The following LCLAT1 variants were observed in gnomAD, a reference collection of about 807,000 sequenced individuals.
LCLAT1 encodes the protein lysocardiolipin acyltransferase 1.
In LCLAT1, 11 loss-of-function variants were observed where a neutral mutation model predicts 30.7. The observed-to-expected ratio is 0.36, with a 90% CI of 0.23 to 0.59. The LOEUF (loss-of-function observed/expected upper bound fraction) is 0.59, where lower values mean the gene tolerates loss of function less well. Among genes scored for constraint, LCLAT1 ranks in the 20% least tolerant of loss-of-function variants. The pLI is 0.77. For missense variants in LCLAT1, 402 were observed against 458.6 expected (o/e 0.88, Z 1.13); for synonymous variants, 155 against 151.3 (o/e 1.02, Z -0.18).
rs530383495 is a variant in LCLAT1, at chr2:30,554,104, G to C, written c.365-8042G>C. Among the ~76,000 whole-genome samples, 9 of 152,266 alleles carry C rather than the reference G, an allele frequency of 5.9e-5. No individual in the cohort carries two copies. The South Asian group carries it at 1.0e-3, about 18-fold the overall frequency. ...GAAGTAAAAAAGATTTAGAAACATT[G>C]GCTTGGAGTTTCTAGAAGATATGTA... On this transcript the variant is annotated intron_variant, in intron 3 of 5. Transcript: ENST00000379509.
chr2:30,508,313 C>T (rs186804612), intron 1 of LCLAT1, among the ~76,000 whole-genome samples: 6 of 152,166 alleles, frequency 3.9e-5, no homozygotes, highest in Admixed American at 1.3e-4. Flanking sequence ...TTCTTGCTTT[C>T]GTTGCAGTTA....
At chr2:30,468,586 C>T (rs565461255) in intron 1 of LCLAT1, among the ~76,000 whole-genome samples, 1 of 152,116 alleles carries the variant, frequency 6.6e-6, no homozygotes, top group Non-Finnish European at 1.5e-5. Flanking sequence ...GTGGACAAAT[C>T]AGTGGCATTG....
At chr2:30,488,310 CAT>C (rs1683658777) in intron 1 of LCLAT1, among the ~76,000 whole-genome samples, 1 of 152,170 alleles carries the variant, frequency 6.6e-6, no homozygotes, top group South Asian at 2.1e-4. Context: ...AAAATTTGGT[CAT>C]GTGTGTGCAA....
At chr2:30,636,644 C>T (rs1669039636) in intron 5 of LCLAT1, among the ~76,000 whole-genome samples, 1 of 152,080 alleles carries the variant, frequency 6.6e-6, no homozygotes, top group African/African-American at 2.4e-5. Context: ...TCAAAACTTG[C>T]CATTTCTGTA....
At chr2:30,482,628 A>T (rs1345826685) in intron 1 of LCLAT1, among the ~76,000 whole-genome samples, 1 of 152,126 alleles carries the variant, frequency 6.6e-6, no homozygotes, top group Admixed American at 6.5e-5. Context: ...TTACTGGAAG[A>T]TAAAGCATTG....
At chr2:30,513,995 T>C (rs1476525470) in intron 1 of LCLAT1, among the ~76,000 whole-genome samples, 1 of 152,206 alleles carries the variant, frequency 6.6e-6, no homozygotes, top group Non-Finnish European at 1.5e-5. Flanking sequence ...TTCTCAACCT[T>C]GGTAAAATAA....
intron 3 of LCLAT1, among the ~76,000 whole-genome samples, chr2:30,556,186 A>G (rs757700388): frequency 2.6e-5 from 4 of 152,226 alleles, no homozygotes; most frequent in Non-Finnish European, 4.4e-5. Context: ...CATGGTAACA[A>G]TGAAGCAGCC....
rs369688634 is a variant in LCLAT1, at chr2:30,509,188, A to G, written c.-4-16399A>G. 3.9e-5 allele frequency among the ~76,000 whole-genome samples: 6 copies of G among 152,256 alleles called. No individual in the cohort carries two copies. In the South Asian group the frequency reaches 1.2e-3, roughly 32 times the overall value. Reference sequence around the variant, plus strand: ...TTTGGGCCAAGACTTTGGGTTTTCTAGATATAGGTTCATGTCATCTGCAAA... The same window carrying G: ...TTTGGGCCAAGACTTTGGGTTTTCTGGATATAGGTTCATGTCATCTGCAAA... On this transcript the variant is annotated intron_variant, in intron 1 of 5. Coordinates refer to ENST00000379509, the MANE Select transcript of LCLAT1 (RefSeq NM_001002257.3).
At chr2:30,625,356 A>G (rs1172303915) in intron 5 of LCLAT1, among the ~76,000 whole-genome samples, 1 of 152,172 alleles carries the variant, frequency 6.6e-6, no homozygotes, top group Non-Finnish European at 1.5e-5. Context: ...CCAAAAAATG[A>G]AGAGAGAAGA....
rs1192709904 is a variant in LCLAT1 at position 30,493,508 on chromosome 2, A to G, written c.-4-32079A>G. ...TATTGTTATACCAAGCATGTTCTAG[A>G]TCATGCTGTTAAAGAAGTGCAGTTA... On this transcript the variant is annotated intron_variant, in intron 1 of 5. Transcript: ENST00000379509. Among the ~76,000 whole-genome samples, 3 of 152,332 alleles carry G rather than the reference A, an allele frequency of 2.0e-5. No individual in the cohort carries two copies. The East Asian group carries it at 5.8e-4, about 29-fold the overall frequency.
chr2:30,630,278 T>C (rs1312575925), intron 5 of LCLAT1, among the ~76,000 whole-genome samples: 1 of 152,204 alleles, frequency 6.6e-6, no homozygotes, highest in Non-Finnish European at 1.5e-5. Context: ...TTTAAAGGCT[T>C]ATCTCCAAGT....
intron 1 of LCLAT1, among the ~76,000 whole-genome samples, chr2:30,499,209 C>T (rs190691796): frequency 3.0e-4 from 46 of 152,226 alleles, no homozygotes; most frequent in African/African-American, 3.4e-4. Context: ...GACGGAGTTT[C>T]GCTCTTATCG....
chr2:30,504,698 C>A (rs1684571401), intron 1 of LCLAT1, among the ~76,000 whole-genome samples: 1 of 152,096 alleles, frequency 6.6e-6, no homozygotes, highest in Non-Finnish European at 1.5e-5. Context: ...TTTCCTCTCC[C>A]CTTCCTTTTC....
chr2:30,482,278 T>C (rs1157821306), intron 1 of LCLAT1, among the ~76,000 whole-genome samples: 2 of 152,184 alleles, frequency 1.3e-5, no homozygotes, highest in Non-Finnish European at 2.9e-5. Flanking sequence ...AGAATTTTAA[T>C]CAGTGTAGGT....
chr2:30,575,859 A>G (rs1369137729), intron 5 of LCLAT1, among the ~76,000 whole-genome samples: 5 of 152,124 alleles, frequency 3.3e-5, no homozygotes, highest in African/African-American at 1.2e-4. Flanking sequence ...GTCTCTCTGT[A>G]CCACTTGACT....
chr2:30,460,423 T>G (rs188717792), intron 1 of LCLAT1, among the ~76,000 whole-genome samples: 1 of 152,330 alleles, frequency 6.6e-6, no homozygotes, highest in Non-Finnish European at 1.5e-5. Context: ...CCCCTCAGCC[T>G]TTTTCTATTG....
At chr2:30,516,342 G>A (rs540801804) in intron 1 of LCLAT1, among the ~76,000 whole-genome samples, 13 of 152,262 alleles carry the variant, frequency 8.5e-5, no homozygotes, top group Admixed American at 4.6e-4. Flanking sequence ...ACTGCTGAAC[G>A]TCGCCGTCGC....
chr2:30,507,127 T>C (rs1684703785), intron 1 of LCLAT1, among the ~76,000 whole-genome samples: 1 of 152,184 alleles, frequency 6.6e-6, no homozygotes, highest in Non-Finnish European at 1.5e-5. Context: ...GTGTTCACTT[T>C]AATTTTATGT....
chr2:30,637,723 G>A (rs913848923), intron 5 of LCLAT1, among the ~76,000 whole-genome samples: 9 of 152,086 alleles, frequency 5.9e-5, no homozygotes, highest in Admixed American at 1.3e-4. Flanking sequence ...GATTACAAGC[G>A]TGCGCCACCA....
Sources: gnomAD v4.1 joint callset for allele counts (sites outside exome capture counted in the v4.1 genomes callset) on GRCh38, gnomAD v4.1.1 for gene constraint, MANE v1.5 for transcripts, NCBI Gene and HGNC (gene_info 2026-07-23, HGNC 2026-07-21) for gene names.